The following DGLUCY variants were observed in gnomAD, a reference collection of about 807,000 sequenced individuals.
DGLUCY encodes D-glutamate cyclase, also known as D-glutamate cyclase, mitochondrial.
In DGLUCY, 58 loss-of-function variants were observed where a neutral mutation model predicts 58.5. The observed-to-expected ratio is 0.99, with a 90% CI of 0.80 to 1.23. The LOEUF (loss-of-function observed/expected upper bound fraction) is 1.23, where lower values mean the gene tolerates loss of function less well. Among genes scored for constraint, DGLUCY ranks in the 50% most tolerant of loss-of-function variants. The pLI is 0.00. For missense variants in DGLUCY, 779 were observed against 784.7 expected, an observed-to-expected ratio of 0.99 and a Z score of 0.09; for synonymous variants, 325 against 314.1, an observed-to-expected ratio of 1.03 and a Z score of -0.37.
intron 12 of DGLUCY, among the ~76,000 whole-genome samples, chr14:91,210,661 G>A (rs946844880): frequency 7.2e-5 from 11 of 152,080 alleles, no homozygotes. Context: ...TTTGACAAAA[G>A]CAACACCCAT....
At chr14:91,130,928 G>A (rs2045992159) in intron 1 of DGLUCY, among the ~76,000 whole-genome samples, 5 of 151,586 alleles carry the variant, frequency 3.3e-5, no homozygotes. Flanking sequence ...ATTCTGGATG[G>A]TAATTATTCC....
rs191321433 is a variant in DGLUCY, at chr14:91,134,540, C to G, written c.-82+20257C>G. Among the ~76,000 whole-genome samples the G allele has an allele frequency of 4.0e-5, 6 of 151,884 alleles. No individual in the cohort carries two copies. The East Asian group carries it at 1.2e-3, about 29-fold the overall frequency. On this transcript the variant is annotated intron_variant, in intron 1 of 13. Coordinates refer to ENST00000256324, the MANE Select transcript of DGLUCY (RefSeq NM_001102368.3). The stretch of plus-strand genomic sequence containing the variant: ...GCAACCTTGGCTTCCCAGGTTCAAG[C>G]GATTCTCTTGCCTCAGCCTCCCGAG...
chr14:91,171,800 A>G (rs1445095547), intron 5 of DGLUCY, among the ~76,000 whole-genome samples: 3 of 152,180 alleles, frequency 2.0e-5, no homozygotes, highest in African/African-American at 7.2e-5. Context: ...ACCGGGCAAC[A>G]TCTGTTAAGG....
At chr14:91,084,365 G>A (rs1474393232) in intron 1 of DGLUCY, among the ~76,000 whole-genome samples, 2 of 151,746 alleles carry the variant, frequency 1.3e-5, no homozygotes, top group Non-Finnish European at 2.9e-5. Flanking sequence ...CACCATGCTC[G>A]GCTAATTTTT....
chr14:91,068,719 T>C (rs1384600483), intron 1 of DGLUCY, among the ~76,000 whole-genome samples: 1 of 152,064 alleles, frequency 6.6e-6, no homozygotes, highest in African/African-American at 2.4e-5. Flanking sequence ...CCCTCTCTCC[T>C]CCCTTGGAAT....
At chr14:91,118,280 G>T (rs1168384349) in intron 1 of DGLUCY, among the ~76,000 whole-genome samples, 2 of 151,694 alleles carry the variant, frequency 1.3e-5, no homozygotes, top group Non-Finnish European at 2.9e-5. Flanking sequence ...TTTTAGTAGA[G>T]CCAGGGTTTC....
At chr14:91,194,313 C>T (rs2050078717) in intron 9 of DGLUCY, among the ~76,000 whole-genome samples, 1 of 152,148 alleles carries the variant, frequency 6.6e-6, no homozygotes, top group African/African-American at 2.4e-5. Context: ...CTGTTTGGCT[C>T]TAAGTTCAGC....
rs761458676 is a variant in DGLUCY, at chr14:91,083,522, CA to C, written c.-82+22836del. Among the ~76,000 whole-genome samples the C allele has an allele frequency of 2.7e-3, 140 of 52,192 alleles. 1 individual carries two copies. Among genetic ancestry groups the C allele is most frequent in the Middle Eastern group, 0.011 (1 of 92 alleles). The allele number at this position is 52,192 out of a possible 152,430, so 34.2% of individuals were successfully genotyped here. The stretch of plus-strand genomic sequence containing the variant: ...TGGGTGACAGAGAGAGATTCCGTCT[CA>C]AAAAAAAAAAAAAAAAACAGAGAGA... On this transcript the variant is annotated intron_variant, in intron 1 of 4. Transcript: ENST00000521334.
chr14:91,168,689 T>C (rs930784411), intron 4 of DGLUCY, among the ~76,000 whole-genome samples: 2 of 152,238 alleles, frequency 1.3e-5, no homozygotes, highest in African/African-American at 4.8e-5. Flanking sequence ...GATTTCTTCC[T>C]TCTCTGTGTC....
chr14:91,210,623 G>A (rs1317697461), intron 12 of DGLUCY, among the ~76,000 whole-genome samples: 1 of 152,072 alleles, frequency 6.6e-6, no homozygotes, highest in Admixed American at 6.6e-5. Context: ...AAAATCACAT[G>A]TTCATGTCAA....
At chr14:91,111,661 C>A (rs571638399), upstream of DGLUCY, among the ~76,000 whole-genome samples, 5 of 152,186 alleles carry the variant, frequency 3.3e-5, no homozygotes, top group African/African-American at 1.2e-4. Context: ...ATAGATGGTG[C>A]CTTCTGGCTG....
intron 8 of DGLUCY, among the ~76,000 whole-genome samples, chr14:91,182,793 G>A (rs78721903): frequency 0.02 from 3,042 of 152,252 alleles, 35 homozygotes; most frequent in Non-Finnish European, 0.031. Context: ...ATTGTATAAC[G>A]CATCTCAGGG....
At chr14:91,197,478 C>T (rs565250736) in intron 10 of DGLUCY, among the ~76,000 whole-genome samples, 2 of 152,314 alleles carry the variant, frequency 1.3e-5, no homozygotes, top group Admixed American at 1.3e-4. Context: ...GCCATCATCA[C>T]CATCCATCTG....
At chr14:91,197,571 G>A (rs888482335) in intron 10 of DGLUCY, among the ~76,000 whole-genome samples, 3 of 152,140 alleles carry the variant, frequency 2.0e-5, no homozygotes, top group African/African-American at 7.2e-5. Flanking sequence ...CCCAGCCTCT[G>A]GCAACCACAA....
intron 7 of DGLUCY, among the ~76,000 whole-genome samples, chr14:91,179,886 C>CTTTTTTTTTTTTTTTTT (rs35580984): frequency 1.3e-5 from 1 of 75,984 alleles, no homozygotes. Flanking sequence ...ATGCTAAACA[C>CTTTTTTTTTTTTTTTTT]TTTTTTTTTT....
At chr14:91,167,858 C>T in intron 4 of DGLUCY, 1 of 601,484 alleles carries the variant, frequency 1.7e-6, no homozygotes, top group South Asian at 2.0e-5. Flanking sequence ...CACAGACTGG[C>T]ATCTTCCCTG....
chr14:91,149,050 T>A (rs1053531042), intron 1 of DGLUCY, among the ~76,000 whole-genome samples: 3 of 151,790 alleles, frequency 2.0e-5, no homozygotes, highest in Non-Finnish European at 2.9e-5. Context: ...GAGTTTGAGA[T>A]CAGCCTGACC....
intron 1 of DGLUCY, among the ~76,000 whole-genome samples, chr14:91,084,484 G>A (rs1000818954): frequency 6.6e-6 from 1 of 151,852 alleles, no homozygotes; most frequent in Non-Finnish European, 1.5e-5. Flanking sequence ...GGATTACAGG[G>A]ATGAGCCACC....
At chr14:91,198,680 G>C (rs888537483) in intron 10 of DGLUCY, among the ~76,000 whole-genome samples, 8 of 152,184 alleles carry the variant, frequency 5.3e-5, no homozygotes, top group African/African-American at 1.9e-4. Flanking sequence ...CAAAACAGTA[G>C]TCCTGCTAGT....
Sources: allele counts gnomAD v4.1 joint callset (sites outside exome capture counted in the v4.1 genomes callset), GRCh38; gene constraint gnomAD v4.1.1; transcripts MANE v1.5; gene names NCBI Gene and HGNC (gene_info 2026-07-23, HGNC 2026-07-21).